PEX14: variants seen among roughly 807,000 people sequenced by gnomAD.
PEX14 encodes peroxisomal biogenesis factor 14.
In PEX14, 15 loss-of-function variants were observed where a neutral mutation model predicts 49.5. The ratio of observed to expected loss-of-function variants is 0.30; its 90% confidence interval spans 0.20 to 0.47. The LOEUF is 0.47. PEX14 is among the 20% of genes least tolerant of loss of function. The probability of loss-of-function intolerance (pLI) is 1.00; values close to 1 mark genes in which losing one functional copy is unlikely to be tolerated. For synonymous variants in PEX14, 210 were observed against 212.7 expected, an observed-to-expected ratio of 0.99 and a Z score of 0.11; for missense variants, 398 against 494.8, an observed-to-expected ratio of 0.80 and a Z score of 1.86.
At chr1:10,541,507 T>G (rs1639012531) in intron 3 of PEX14, among the ~76,000 whole-genome samples, 1 of 152,194 alleles carries the variant, frequency 6.6e-6, no homozygotes, top group Non-Finnish European at 1.5e-5. Flanking sequence ...GGCGGGGCCG[T>G]GCCCTGCAGG....
chr1:10,621,187 A>G (rs1641580069), intron 5 of PEX14, among the ~76,000 whole-genome samples: 1 of 151,102 alleles, frequency 6.6e-6, no homozygotes, highest in African/African-American at 2.4e-5. Flanking sequence ...GTTTCTCGAA[A>G]TTAAAAAAAA....
At chr1:10,610,137 T>C (rs1401110096) in intron 4 of PEX14, among the ~76,000 whole-genome samples, 1 of 148,368 alleles carries the variant, frequency 6.7e-6, no homozygotes, top group Non-Finnish European at 1.5e-5. Context: ...AAAATACATA[T>C]AAAAGGAATG....
chr1:10,621,635 G>T (rs919705331), intron 5 of PEX14, among the ~76,000 whole-genome samples: 2 of 152,112 alleles, frequency 1.3e-5, no homozygotes, highest in Admixed American at 1.3e-4. Flanking sequence ...GTGAGCCACC[G>T]CGCCCGGCCA....
At chr1:10,508,483 G>A (rs558093730) in intron 2 of PEX14, among the ~76,000 whole-genome samples, 5 of 152,308 alleles carry the variant, frequency 3.3e-5, no homozygotes, top group South Asian at 2.1e-4. Flanking sequence ...GAGCTGCCGC[G>A]CCCGGCCTTG....
At chr1:10,616,634 G>T (rs1049177630) in intron 4 of PEX14, among the ~76,000 whole-genome samples, 3 of 152,190 alleles carry the variant, frequency 2.0e-5, no homozygotes, top group African/African-American at 7.2e-5. Context: ...CCCGCCACGT[G>T]GCCTGGAGAT....
At chr1:10,591,665 G>GTA (rs1640671974) in intron 3 of PEX14, among the ~76,000 whole-genome samples, 3 of 151,662 alleles carry the variant, frequency 2.0e-5, no homozygotes, top group African/African-American at 7.3e-5. Flanking sequence ...GTGTGTGTGT[G>GTA]TGTGTGTGTG....
intron 3 of PEX14, among the ~76,000 whole-genome samples, chr1:10,577,562 ATTTTTTTTTTTTTTTTTTTTTTTTTTT>A (rs1164876121): frequency 3.5e-3 from 22 of 6,236 alleles, no homozygotes; most frequent in African/African-American, 9.2e-3. Context: ...ATATATATAT[ATTTTTTTTTTTTTTTTTTTTTTTTTTT>A]TTTTTTTTTT....
chr1:10,491,518 C>T (rs554646814), intron 1 of PEX14, among the ~76,000 whole-genome samples: 70 of 151,926 alleles, frequency 4.6e-4, no homozygotes, highest in African/African-American at 1.6e-3. Flanking sequence ...TAGGATGCAC[C>T]ACCACACCCG....
intron 3 of PEX14, among the ~76,000 whole-genome samples, chr1:10,551,253 T>G (rs1639325416): frequency 6.6e-6 from 1 of 152,190 alleles, no homozygotes; most frequent in Non-Finnish European, 1.5e-5. Flanking sequence ...CAAAAATGTG[T>G]TTATAATTCT....
At chr1:10,562,944 CTCTG>C (rs761155387) in intron 3 of PEX14, among the ~76,000 whole-genome samples, 18 of 143,686 alleles carry the variant, frequency 1.3e-4, no homozygotes, top group Non-Finnish European at 2.6e-4. Context: ...CAGAGTCTCT[CTCTG>C]TCGCCCAGGG....
At chr1:10,528,872 G>C (rs1237935354) in intron 2 of PEX14, among the ~76,000 whole-genome samples, 1 of 152,120 alleles carries the variant, frequency 6.6e-6, no homozygotes, top group East Asian at 1.9e-4. Flanking sequence ...CAGCCAGCTC[G>C]TTTGCCTTCT....
chr1:10,488,499 T>C (rs1445514503), intron 1 of PEX14, among the ~76,000 whole-genome samples: 1 of 151,416 alleles, frequency 6.6e-6, no homozygotes. Context: ...TGTCTAGAAA[T>C]TCTATTTTCT....
chr1:10,603,873 G>A (rs1641055795), intron 4 of PEX14, among the ~76,000 whole-genome samples: 1 of 152,194 alleles, frequency 6.6e-6, no homozygotes, highest in Admixed American at 6.5e-5. Context: ...TAGAGCTTCA[G>A]TTGCTTCTTC....
chr1:10,501,477 A>G lies in PEX14; in HGVS notation c.84+6156A>G, dbSNP rs1641677247. Among the ~76,000 whole-genome samples, 3 of 152,064 alleles carry G rather than the reference A, an allele frequency of 2.0e-5. No individual in the cohort carries two copies. The South Asian group carries it at 6.2e-4, about 32-fold the overall frequency. On this transcript the variant is annotated intron_variant, in intron 2 of 8. Coordinates refer to ENST00000356607, the MANE Select transcript of PEX14 (RefSeq NM_004565.3). ...CCCGCCACCTCGCCCGGCTTTTTGT[A>G]TTTTTAGTAGAGACGGGGTTTCACC...
At chr1:10,541,894 C>T (rs1639026115) in intron 3 of PEX14, among the ~76,000 whole-genome samples, 1 of 152,148 alleles carries the variant, frequency 6.6e-6, no homozygotes, top group Non-Finnish European at 1.5e-5. Flanking sequence ...TGAGGGGTTT[C>T]CTCCACTTCA....
In PEX14 at chr1:10,572,131, T is replaced by C. The variant is rs72857023; in HGVS notation, c.170-27107T>C. Among the ~76,000 whole-genome samples the C allele has an allele frequency of 2.5e-3, 380 of 152,280 alleles. 1 individual carries two copies. Among genetic ancestry groups the C allele is most frequent in the African/African-American group, 8.3e-3 (345 of 41,544 alleles). On this transcript the variant is annotated intron_variant, in intron 3 of 8. Coordinates refer to ENST00000356607, the MANE Select transcript of PEX14 (RefSeq NM_004565.3). ...TGACAGATCTAACTTGTTAAACTGCTTACTAGATTACATGGCAAAAGTGGT... is the reference window on the plus strand; with the variant it reads ...TGACAGATCTAACTTGTTAAACTGCCTACTAGATTACATGGCAAAAGTGGT...
intron 2 of PEX14, among the ~76,000 whole-genome samples, chr1:10,500,606 G>A (rs549374945): frequency 1.3e-5 from 2 of 151,626 alleles, no homozygotes; most frequent in Admixed American, 6.6e-5. Context: ...GCGGTGTCTC[G>A]CTGTGTCACC....
chr1:10,587,895 CTTTTTTTT>C (rs762006360), intron 3 of PEX14, among the ~76,000 whole-genome samples: 9 of 54,378 alleles, frequency 1.7e-4, no homozygotes, highest in African/African-American at 4.8e-4. Context: ...CACACATGTG[CTTTTTTTT>C]TTTTTTTTTT....
chr1:10,624,093 G>A (rs1428416628), intron 6 of PEX14, among the ~76,000 whole-genome samples: 3 of 152,128 alleles, frequency 2.0e-5, no homozygotes, highest in Non-Finnish European at 4.4e-5. Context: ...GAGAGGTTCT[G>A]GACGGATATA....
Sources: allele counts gnomAD v4.1 joint callset (sites outside exome capture counted in the v4.1 genomes callset), GRCh38; gene constraint gnomAD v4.1.1; transcripts MANE v1.5; gene names NCBI Gene and HGNC (gene_info 2026-07-23, HGNC 2026-07-21).